Variants in TMTC4 observed in about 807,000 individuals in gnomAD.
TMTC4 encodes protein O-mannosyl-transferase TMTC4.
In TMTC4, 65 loss-of-function variants were observed where a neutral mutation model predicts 86.0. The ratio of observed to expected loss-of-function variants is 0.76; its 90% CI spans 0.62 to 0.93. The LOEUF (loss-of-function observed/expected upper bound fraction) is 0.93, where lower values mean the gene tolerates loss of function less well. Ranked by LOEUF, TMTC4 falls within the 40% of genes least tolerant of loss-of-function variation. The probability of loss-of-function intolerance (pLI) is 0.00; values close to 1 mark genes in which losing one functional copy is unlikely to be tolerated. For synonymous variants in TMTC4, 379 were observed against 382.5 expected (o/e 0.99, Z 0.11); for missense variants, 866 against 948.1 (o/e 0.91, Z 1.14).
chr13:100,656,481 G>A lies in TMTC4; in HGVS notation c.553-13C>T, dbSNP rs770094911. 40 of 1,567,242 alleles carry A rather than the reference G, an allele frequency of 2.6e-5. No homozygotes were observed. Among genetic ancestry groups the A allele is most frequent in the Middle Eastern group, 3.4e-4 (2 of 5,876 alleles). On this transcript the variant is annotated splice_polypyrimidine_tract_variant and intron_variant, in intron 5 of 18. Transcript: ENST00000342624. ...CAACACCAGCAACCTTAAAAAAGGG[G>A]GAAGAAAACAAAGAATTACATAAAA...
At chr13:100,662,412 T>G (rs74892752) in intron 5 of TMTC4, among the ~76,000 whole-genome samples, 16,023 of 151,866 alleles carry the variant, frequency 0.11, 928 homozygotes, top group Non-Finnish European at 0.14. Flanking sequence ...CTGGATAAAT[T>G]TTTATCCTGC....
At chr13:100,659,691 C>A (rs544632108) in intron 5 of TMTC4, among the ~76,000 whole-genome samples, 1 of 151,622 alleles carries the variant, frequency 6.6e-6, no homozygotes, top group South Asian at 2.1e-4. Context: ...TGGGTGTCTA[C>A]AAACCACTTG....
intron 12 of TMTC4, 101 bp from the exon 13 acceptor site, chr13:100,626,251 G>A: frequency 7.0e-6 from 9 of 1,285,516 alleles, no homozygotes; most frequent in South Asian, 2.5e-5. Flanking sequence ...AAAGCGACGA[G>A]GAAAAAAAAT....
chr13:100,634,314 T>C (rs777354776), intron 12 of TMTC4, among the ~76,000 whole-genome samples: 15 of 152,304 alleles, frequency 9.8e-5, no homozygotes, highest in African/African-American at 3.1e-4. Flanking sequence ...AAATGTGTAC[T>C]ATTGTGCAGC....
At chr13:100,623,657 T>TG (rs1433822990) in intron 15 of TMTC4, among the ~76,000 whole-genome samples, 6 of 149,136 alleles carry the variant, frequency 4.0e-5, no homozygotes, top group Non-Finnish European at 8.9e-5. Flanking sequence ...TTTTTTTTTT[T>TG]TTTTTTTTTG....
At chr13:100,627,617 C>G (rs1880752224) in intron 12 of TMTC4, among the ~76,000 whole-genome samples, 2 of 152,180 alleles carry the variant, frequency 1.3e-5, no homozygotes, top group Non-Finnish European at 2.9e-5. Flanking sequence ...GGATTAAGGG[C>G]CCACCATCCT....
chr13:100,634,697 C>A, intron 12 of TMTC4, 108 bp downstream of exon 12: 1 of 1,338,112 alleles, frequency 7.5e-7, no homozygotes, highest in South Asian at 1.9e-5. Context: ...AGTATTCGGT[C>A]ATGGTCTTAC....
intron 12 of TMTC4, among the ~76,000 whole-genome samples, chr13:100,627,290 A>C (rs1880703212): frequency 6.6e-6 from 1 of 152,200 alleles, no homozygotes; most frequent in Non-Finnish European, 1.5e-5. Flanking sequence ...CAGAGCCACG[A>C]GGCCGGCGCG....
At chr13:100,670,269 G>A (rs1270666696) in intron 2 of TMTC4, 91 bp downstream of exon 2, 3 of 1,486,076 alleles carry the variant, frequency 2.0e-6, no homozygotes, top group South Asian at 1.3e-5. Context: ...TAAGAAGCCA[G>A]CCAAATAGGC....
chr13:100,668,893 T>C, intron 2 of TMTC4, 99 bp from the exon 3 acceptor site: 2 of 1,217,822 alleles, frequency 1.6e-6, no homozygotes, highest in Non-Finnish European at 2.3e-6. Context: ...ATTTATGCTA[T>C]GATTTTATAG....
Position 100,605,282 on chromosome 13 carries a change from C to T in TMTC4, c.2135-140G>A, listed in dbSNP as rs1200947099. 2.0e-6 allele frequency: 2 copies of T among 1,007,376 alleles called. No individual in the cohort carries two copies. The highest frequency in any genetic ancestry group is 2.9e-6 in the Non-Finnish European group (2 of 701,734). 62.4% of individuals were successfully genotyped at this position (1,007,376 alleles called of 1,614,324 possible). On this transcript the variant is annotated intron_variant, in intron 18 of 18. Coordinates refer to ENST00000342624, the MANE Select transcript of TMTC4 (RefSeq NM_032813.5). This position sits in a 1 kb window ranked among gnomAD's most constrained non-coding sequence, Gnocchi z 4.3. ...ATTGTATGAAACAATATTGTTTGTA[C>T]TGAAAACTCTATTTATTGTAATCAC...
intron 7 of TMTC4, among the ~76,000 whole-genome samples, chr13:100,639,738 G>A (rs1178859230): frequency 6.6e-6 from 1 of 152,024 alleles, no homozygotes; most frequent in East Asian, 1.9e-4. Context: ...TCAGGAGTTC[G>A]AGACCAGCCT....
intron 3 of TMTC4, 192 bp downstream of exon 3, chr13:100,668,387 C>A (rs774236274): frequency 2.0e-5 from 12 of 612,502 alleles, no homozygotes; most frequent in Non-Finnish European, 3.4e-5. Context: ...GGTTCAGAAC[C>A]TTGGTGCCAG....
chr13:100,615,897 TTGCCTCCC>T (rs1302354710), intron 15 of TMTC4, among the ~76,000 whole-genome samples: 1 of 152,200 alleles, frequency 6.6e-6, no homozygotes, highest in Non-Finnish European at 1.5e-5. Flanking sequence ...CAACCCTTGT[TTGCCTCCC>T]TGCCTCCCCA....
At chr13:100,613,901 G>A (rs1297200004) in intron 16 of TMTC4, among the ~76,000 whole-genome samples, 1 of 146,576 alleles carries the variant, frequency 6.8e-6, no homozygotes, top group Non-Finnish European at 1.5e-5. Context: ...GTGCAATGGC[G>A]TGATCTTGGC....
intron 15 of TMTC4, among the ~76,000 whole-genome samples, chr13:100,618,594 G>A (rs1293933449): frequency 1.3e-5 from 2 of 151,874 alleles, no homozygotes; most frequent in Non-Finnish European, 2.9e-5. Flanking sequence ...AGATAAACAA[G>A]TGAACAAAGG....
At position 100,612,367 on chromosome 13, in the gene TMTC4, T is replaced by C. The variant is rs751901507; in HGVS notation, c.2064+31A>G. On this transcript the variant is annotated intron_variant, in intron 17 of 18. Transcript: ENST00000342624. ...TCTTCTGTCAGATGCTGGCACTAAC[T>C]GCAAGAACTCACAGCCTGCGGTTTA... The C allele has an allele frequency of 3.9e-6, 6 of 1,528,360 alleles. No individual in the cohort carries two copies. In the South Asian group the frequency reaches 4.7e-5, roughly 12 times the overall value. The allele number at this position is 1,528,360 out of a possible 1,614,324, so 94.7% of individuals were successfully genotyped here. A position where few individuals can be genotyped will look rare whatever the true frequency, so the allele number is the denominator to read the frequency against.
intron 10 of TMTC4, 99 bp downstream of exon 10, chr13:100,636,433 C>G: frequency 7.2e-7 from 1 of 1,388,518 alleles, no homozygotes; most frequent in South Asian, 1.2e-5. Flanking sequence ...TGTCCTTAGA[C>G]GTGACTTCCA....
chr13:100,668,525 T>A, intron 3 of TMTC4, 54 bp downstream of exon 3: 5 of 1,542,024 alleles, frequency 3.2e-6, no homozygotes, highest in South Asian at 1.2e-5. Flanking sequence ...CTTAGATGAT[T>A]ACTGAGACAC....
Sources: allele counts gnomAD v4.1 joint callset (sites outside exome capture counted in the v4.1 genomes callset), GRCh38; gene constraint gnomAD v4.1.1; non-coding constraint Gnocchi (gnomAD v3.1); transcripts MANE v1.5; gene names NCBI Gene and HGNC (gene_info 2026-07-23, HGNC 2026-07-21).